The following CACNA2D1 variants were observed in gnomAD, a reference collection of about 807,000 sequenced individuals.
The protein encoded by CACNA2D1 is calcium voltage-gated channel auxiliary subunit alpha2delta 1.
In CACNA2D1, 53 loss-of-function variants were observed where a neutral mutation model predicts 171.5. The ratio of observed to expected loss-of-function variants is 0.31; its 90% CI spans 0.25 to 0.39. CACNA2D1 has a LOEUF of 0.39. CACNA2D1 is among the 10% of genes least tolerant of loss of function. The pLI is 1.00. For missense variants in CACNA2D1, 903 were observed against 1,299.8 expected, an observed-to-expected ratio of 0.69 and a Z score of 4.69; for synonymous variants, 442 against 443.1, an observed-to-expected ratio of 1.00 and a Z score of 0.03.
chr7:82,248,483 C>A (rs1052283683), intron 3 of CACNA2D1, among the ~76,000 whole-genome samples: 4 of 152,094 alleles, frequency 2.6e-5, no homozygotes, highest in African/African-American at 9.7e-5. Context: ...TTTTAATAAT[C>A]ATGAAAATAT....
At chr7:82,014,377 AT>A in intron 13 of CACNA2D1, 23 bp downstream of exon 13, 1 of 1,282,206 alleles carries the variant, frequency 7.8e-7, no homozygotes, top group Non-Finnish European at 1.1e-6. Flanking sequence ...CTTCTAATTT[AT>A]TAGAAGAAAA....
intron 1 of CACNA2D1, among the ~76,000 whole-genome samples, chr7:82,437,699 C>T (rs1358417939): frequency 1.4e-5 from 2 of 145,354 alleles, no homozygotes; most frequent in African/African-American, 5.1e-5. Flanking sequence ...CCTGTACAAA[C>T]AAGTGGCAAA....
intron 3 of CACNA2D1, among the ~76,000 whole-genome samples, chr7:82,242,982 T>C (rs770066365): frequency 9.9e-5 from 15 of 152,156 alleles, no homozygotes; most frequent in Non-Finnish European, 1.9e-4. Flanking sequence ...TAAATCAGGC[T>C]GTCCAGAAAC....
At chr7:82,097,638 A>T (rs1225534112) in intron 6 of CACNA2D1, among the ~76,000 whole-genome samples, 1 of 152,116 alleles carries the variant, frequency 6.6e-6, no homozygotes, top group African/African-American at 2.4e-5. Context: ...GGTGCTTCTG[A>T]GATATCCATT....
chr7:82,179,194 C>T (rs1052049431), intron 3 of CACNA2D1, among the ~76,000 whole-genome samples: 3 of 152,012 alleles, frequency 2.0e-5, no homozygotes, highest in African/African-American at 7.2e-5. Context: ...TGTAATTCCA[C>T]TCTGGGGTCT....
chr7:82,064,497 C>A, intron 8 of CACNA2D1, 143 bp from the exon 9 acceptor site: 1 of 572,848 alleles, frequency 1.7e-6, no homozygotes. Context: ...AATGGTTTTC[C>A]ATTCATATTC....
intron 1 of CACNA2D1, among the ~76,000 whole-genome samples, chr7:82,361,154 TGTTCCCCTC>T (rs1399351024): frequency 1.3e-5 from 2 of 152,240 alleles, no homozygotes; most frequent in African/African-American, 2.4e-5. Flanking sequence ...ATTGCCCTTA[TGTTCCCCTC>T]TGCTGGTCTG....
intron 38 of CACNA2D1, among the ~76,000 whole-genome samples, chr7:81,953,510 G>A (rs1297370556): frequency 6.6e-6 from 1 of 151,172 alleles, no homozygotes; most frequent in Non-Finnish European, 1.5e-5. Context: ...CTCCAGGTAG[G>A]GTAAACAGAT....
chr7:81,987,619 T>C (rs1416321414), intron 21 of CACNA2D1, among the ~76,000 whole-genome samples: 1 of 151,120 alleles, frequency 6.6e-6, no homozygotes, highest in Admixed American at 6.6e-5. Flanking sequence ...TCAAAACATA[T>C]CATGTTTTTT....
At chr7:82,235,501 C>A (rs551010873) in intron 3 of CACNA2D1, among the ~76,000 whole-genome samples, 1 of 152,116 alleles carries the variant, frequency 6.6e-6, no homozygotes, top group Non-Finnish European at 1.5e-5. Flanking sequence ...AATTTCCAGT[C>A]GCTCATGCCA....
intron 12 of CACNA2D1, chr7:82,020,884 A>C (rs762838157): frequency 1.2e-4 from 19 of 152,316 alleles, no homozygotes; most frequent in Admixed American, 3.9e-4. Context: ...TCGCTCAAGT[A>C]AATAAAACAG....
chr7:82,055,433 A>G (rs1038078467), intron 10 of CACNA2D1, among the ~76,000 whole-genome samples: 2 of 152,078 alleles, frequency 1.3e-5, no homozygotes, highest in African/African-American at 4.8e-5. Flanking sequence ...AAAGGAATAT[A>G]AATCATGCTG....
At chr7:82,137,086 T>C (rs1791709753) in intron 4 of CACNA2D1, among the ~76,000 whole-genome samples, 2 of 152,206 alleles carry the variant, frequency 1.3e-5, no homozygotes. Context: ...AGTGTTGAAA[T>C]GATTCTGGAG....
intron 1 of CACNA2D1, among the ~76,000 whole-genome samples, chr7:82,369,407 A>G (rs61602569): frequency 0.02 from 3,039 of 151,764 alleles, 100 homozygotes; most frequent in African/African-American, 0.07. Flanking sequence ...CTAACTGGTC[A>G]ATCTGATCTG....
intron 1 of CACNA2D1, among the ~76,000 whole-genome samples, chr7:82,431,295 G>A (rs6467897): frequency 0.66 from 99,655 of 152,038 alleles, 33,708 homozygotes; most frequent in African/African-American, 0.82. Flanking sequence ...TCATCAATTC[G>A]TGATCTCTTA....
intron 3 of CACNA2D1, among the ~76,000 whole-genome samples, chr7:82,176,915 CT>C (rs1288340040): frequency 6.6e-6 from 1 of 151,536 alleles, no homozygotes; most frequent in Non-Finnish European, 1.5e-5. Context: ...ACTATACATG[CT>C]TTATTCATTT....
At chr7:82,442,709 G>C (rs1830595408) in intron 1 of CACNA2D1, among the ~76,000 whole-genome samples, 1 of 152,188 alleles carries the variant, frequency 6.6e-6, no homozygotes, top group African/African-American at 2.4e-5. Flanking sequence ...CAGGGACCGC[G>C]TGTCTGCCGA....
intron 7 of CACNA2D1, among the ~76,000 whole-genome samples, chr7:82,066,852 T>C (rs1049855826): frequency 6.6e-6 from 1 of 152,152 alleles, no homozygotes; most frequent in Non-Finnish European, 1.5e-5. Context: ...AGAAAATTTA[T>C]GTGCCACTAA....
intron 3 of CACNA2D1, among the ~76,000 whole-genome samples, chr7:82,217,004 C>T (rs1801183127): frequency 6.6e-6 from 1 of 151,398 alleles, no homozygotes; most frequent in Admixed American, 6.6e-5. Context: ...TATGTCAAAC[C>T]AGTGGAGAAT....
Sources: allele counts gnomAD v4.1 joint callset (sites outside exome capture counted in the v4.1 genomes callset), GRCh38; gene constraint gnomAD v4.1.1; transcripts MANE v1.5; gene names NCBI Gene and HGNC (gene_info 2026-07-23, HGNC 2026-07-21).